BMP6: variants seen among roughly 807,000 people sequenced by gnomAD.
The protein encoded by BMP6 is VG-1-R.
Under a neutral mutation model 54.1 loss-of-function variants are expected in BMP6, and 17 were observed. That is an observed-to-expected ratio of 0.31 (90% confidence interval 0.22 to 0.47). The LOEUF (loss-of-function observed/expected upper bound fraction) is 0.47, where lower values mean the gene tolerates loss of function less well. BMP6 is among the 20% of genes least tolerant of loss of function. The probability of loss-of-function intolerance (pLI) is 1.00; values close to 1 mark genes in which losing one functional copy is unlikely to be tolerated. For missense variants in BMP6, 720 were observed against 690.4 expected, an observed-to-expected ratio of 1.04 and a Z score of -0.48; for synonymous variants, 328 against 291.2, an observed-to-expected ratio of 1.13 and a Z score of -1.28.
intron 1 of BMP6, among the ~76,000 whole-genome samples, chr6:7,777,504 G>A (rs529115167): frequency 1.3e-5 from 2 of 152,242 alleles, no homozygotes; most frequent in South Asian, 4.2e-4. Flanking sequence ...CTGGAGAATC[G>A]AAGATACAGA....
At chr6:7,850,884 C>G (rs932706963) in intron 2 of BMP6, among the ~76,000 whole-genome samples, 1 of 151,896 alleles carries the variant, frequency 6.6e-6, no homozygotes, top group Non-Finnish European at 1.5e-5. Flanking sequence ...ATTGAAAATA[C>G]TATCTTTTTC....
rs901946205 is a variant in BMP6, at chr6:7,727,521, C to A, written c.566C>A (p.Ala189Asp). 4.1e-5 allele frequency: 66 copies of A among 1,595,266 alleles called. No homozygotes were observed. The highest frequency in any genetic ancestry group is 5.4e-5 in the Non-Finnish European group (63 of 1,177,464). ...AHPLNRKSLL[A>D]PGSGSGGASP... The stretch of plus-strand genomic sequence containing the variant: ...CCGCTCAACCGCAAGAGCCTTCTGG[C>A]CCCCGGATCTGGCAGCGGCGGCGCG... Residue 189 changes from alanine to aspartate, a missense_variant, in exon 1 of 7, where the codon GCC (alanine) becomes GAC (aspartate). Transcript: ENST00000283147.
At chr6:7,812,492 G>T (rs547875729) in intron 1 of BMP6, among the ~76,000 whole-genome samples, 1 of 152,286 alleles carries the variant, frequency 6.6e-6, no homozygotes, top group Non-Finnish European at 1.5e-5. Context: ...ATGTACACAT[G>T]TAGATACATT....
chr6:7,730,811 A>C (rs973311726), intron 1 of BMP6, among the ~76,000 whole-genome samples: 2 of 152,232 alleles, frequency 1.3e-5, no homozygotes, highest in African/African-American at 4.8e-5. Flanking sequence ...CTATTAAAGA[A>C]TCTACAGAAA....
rs142761635 is a variant in BMP6, at chr6:7,741,326, C to T, written c.664+13707C>T. On this transcript the variant is annotated intron_variant, in intron 1 of 6. Coordinates refer to ENST00000283147, the MANE Select transcript of BMP6 (RefSeq NM_001718.6). ...ATTATTATTTTTGTAGAGACAGGGC[C>T]TCTCTGTCACCCAGGCTGGAATGCA... is the stretch of plus-strand genomic sequence containing the variant. 4.9e-3 allele frequency among the ~76,000 whole-genome samples: 742 copies of T among 152,216 alleles called. 11 individuals carry two copies. Among genetic ancestry groups the T allele is most frequent in the African/African-American group, 0.017 (692 of 41,526 alleles).
At chr6:7,856,302 GTACTT>G (rs780209063) in intron 2 of BMP6, among the ~76,000 whole-genome samples, 3 of 151,858 alleles carry the variant, frequency 2.0e-5, no homozygotes, top group Non-Finnish European at 2.9e-5. Context: ...AATCTATACT[GTACTT>G]TACGTAAGGA....
chr6:7,817,096 CTA>C (rs1758540761), intron 1 of BMP6, among the ~76,000 whole-genome samples: 1 of 152,158 alleles, frequency 6.6e-6, no homozygotes, highest in East Asian at 1.9e-4. Flanking sequence ...AACATTCAGT[CTA>C]TTTTTTCAAT....
intron 1 of BMP6, among the ~76,000 whole-genome samples, chr6:7,828,921 A>G (rs1758745342): frequency 6.6e-6 from 1 of 152,210 alleles, no homozygotes; most frequent in African/African-American, 2.4e-5. Context: ...GTTGGACGGA[A>G]CCATGAGAAA....
At chr6:7,824,990 A>G (rs1024510083) in intron 1 of BMP6, among the ~76,000 whole-genome samples, 22 of 152,206 alleles carry the variant, frequency 1.4e-4, no homozygotes, top group African/African-American at 5.3e-4. Flanking sequence ...GACATTCACT[A>G]TCGGGATTCA....
intron 2 of BMP6, among the ~76,000 whole-genome samples, chr6:7,846,054 T>A (rs1400911434): frequency 6.6e-6 from 1 of 152,152 alleles, no homozygotes; most frequent in Non-Finnish European, 1.5e-5. Flanking sequence ...TGCTTAGTAT[T>A]TAGGGGTCAG....
At chr6:7,767,468 T>C (rs1005600273) in intron 1 of BMP6, among the ~76,000 whole-genome samples, 2 of 152,200 alleles carry the variant, frequency 1.3e-5, no homozygotes, top group Non-Finnish European at 2.9e-5. Context: ...AGATGCTTCG[T>C]AAAGTGTAGG....
intron 1 of BMP6, among the ~76,000 whole-genome samples, chr6:7,817,443 G>C (rs527525869): frequency 4.9e-4 from 74 of 152,158 alleles, no homozygotes; most frequent in Non-Finnish European, 7.5e-4. Context: ...GATGAGGCTA[G>C]AAACCATCAT....
intron 2 of BMP6, among the ~76,000 whole-genome samples, chr6:7,848,691 A>G (rs1388116166): frequency 6.6e-6 from 1 of 152,242 alleles, no homozygotes; most frequent in Admixed American, 6.5e-5. Flanking sequence ...GTGGGCAAGA[A>G]GAACCCATCA....
chr6:7,740,085 A>G (rs1430524038), intron 1 of BMP6, among the ~76,000 whole-genome samples: 1 of 152,160 alleles, frequency 6.6e-6, no homozygotes, highest in Non-Finnish European at 1.5e-5. Flanking sequence ...AGGAGGTCAC[A>G]CCCAGTTGCA....
chr6:7,857,428 G>A (rs1336167112), intron 2 of BMP6, among the ~76,000 whole-genome samples: 2 of 152,178 alleles, frequency 1.3e-5, no homozygotes, highest in Non-Finnish European at 2.9e-5. Flanking sequence ...AGTTAGTTGA[G>A]AACAAAATAG....
At chr6:7,729,602 G>A (rs934531707) in intron 1 of BMP6, among the ~76,000 whole-genome samples, 1 of 152,102 alleles carries the variant, frequency 6.6e-6, no homozygotes, top group Non-Finnish European at 1.5e-5. Context: ...TTGAGGGTGG[G>A]GCACAGGCAT....
intron 3 of BMP6, 61 bp from the exon 4 acceptor site, chr6:7,862,240 T>C (rs1759345863): frequency 1.9e-6 from 3 of 1,566,806 alleles, no homozygotes; most frequent in Non-Finnish European, 2.6e-6. Context: ...CCTTAACTGT[T>C]GTAGCTACAG....
chr6:7,766,356 T>A (rs1475001550), intron 1 of BMP6, among the ~76,000 whole-genome samples: 1 of 152,208 alleles, frequency 6.6e-6, no homozygotes, highest in Non-Finnish European at 1.5e-5. Flanking sequence ...CTTACACCTG[T>A]AGTCCCAACA....
chr6:7,833,856 T>C (rs1442853042), intron 1 of BMP6, among the ~76,000 whole-genome samples: 1 of 152,220 alleles, frequency 6.6e-6, no homozygotes, highest in Admixed American at 6.5e-5. Context: ...CTTCAAATTC[T>C]GGAAGTATTG....
Sources: gnomAD v4.1 joint callset for allele counts (sites outside exome capture counted in the v4.1 genomes callset) on GRCh38, gnomAD v4.1.1 for gene constraint, MANE v1.5 for transcripts, NCBI Gene and HGNC (gene_info 2026-07-23, HGNC 2026-07-21) for gene names.